ERN1: variants seen among roughly 807,000 people sequenced by gnomAD.
The protein encoded by ERN1 is endoplasmic reticulum to nucleus signaling 1.
ERN1 carries 39 observed loss-of-function variants against 113.1 expected under a neutral mutation model. The ratio of observed to expected loss-of-function variants is 0.34; its 90% CI spans 0.27 to 0.45. ERN1 has a LOEUF of 0.45. Among genes scored for constraint, ERN1 ranks in the 20% least tolerant of loss-of-function variants. The probability of loss-of-function intolerance (pLI) is 1.00; values close to 1 mark genes in which losing one functional copy is unlikely to be tolerated. For synonymous variants in ERN1, 507 were observed against 515.9 expected, an observed-to-expected ratio of 0.98 and a Z score of 0.23; for missense variants, 976 against 1,274.8, an observed-to-expected ratio of 0.77 and a Z score of 3.57.
At position 64,065,197 on chromosome 17, in the gene ERN1, T is replaced by G. The variant is rs1380267322; in HGVS notation, c.921+12A>C. 1 of 1,597,570 alleles carries G rather than the reference T, an allele frequency of 6.3e-7. No homozygotes were observed. Among genetic ancestry groups the G allele is most frequent in the Non-Finnish European group, 8.5e-7 (1 of 1,170,338 alleles). ...TGGTTAGGCAGCTGCGAGCCCTCCG[T>G]AGTGGACTTACCACGACAGCAACCC... is the stretch of plus-strand genomic sequence containing the variant. On this transcript the variant is annotated intron_variant, in intron 9 of 21. Coordinates refer to ENST00000433197, the MANE Select transcript of ERN1 (RefSeq NM_001433.5).
At chr17:64,121,219 A>C (rs1914946044) in intron 1 of ERN1, among the ~76,000 whole-genome samples, 1 of 152,206 alleles carries the variant, frequency 6.6e-6, no homozygotes, top group South Asian at 2.1e-4. Flanking sequence ...CCCTGGTGCC[A>C]GAACTGCTTG....
At chr17:64,074,966 C>A in intron 5 of ERN1, 2 of 554,062 alleles carry the variant, frequency 3.6e-6, no homozygotes, top group South Asian at 2.3e-5. Context: ...AATGAGTAAC[C>A]ATATTAATGA....
Position 64,044,253 on chromosome 17 carries a change from A to C in ERN1, c.2722-53T>G. Reference sequence around the variant, plus strand: ...TTAGAAAGGGGTTAGAAAGCTCGGGAAATGTTGGCAAAACACCCTTTCATC... The same window carrying C: ...TTAGAAAGGGGTTAGAAAGCTCGGGCAATGTTGGCAAAACACCCTTTCATC... On this transcript the variant is annotated intron_variant, in intron 21 of 21. Coordinates refer to ENST00000433197, the MANE Select transcript of ERN1 (RefSeq NM_001433.5). This position sits in a 1 kb window ranked among gnomAD's most constrained non-coding sequence, Gnocchi z 4.1. 7.7e-7 allele frequency: 1 copy of C among 1,291,972 alleles called. No individual in the cohort carries two copies. 80.0% of individuals were successfully genotyped at this position (1,291,972 alleles called of 1,614,324 possible). A position where few individuals can be genotyped will look rare whatever the true frequency, so the allele number is the denominator to read the frequency against.
At chr17:64,102,037 TG>T (rs1914399077) in intron 1 of ERN1, among the ~76,000 whole-genome samples, 1 of 152,074 alleles carries the variant, frequency 6.6e-6, no homozygotes, top group Non-Finnish European at 1.5e-5. Context: ...CTCAGCACTT[TG>T]GGAGGCCGAG....
chr17:64,125,489 T>C (rs1226224582), intron 1 of ERN1, among the ~76,000 whole-genome samples: 1 of 152,120 alleles, frequency 6.6e-6, no homozygotes, highest in African/African-American at 2.4e-5. Context: ...ATGTTTTTTG[T>C]TTTTTGTTTT....
rs1460710340 is a variant in ERN1, at chr17:64,043,845, T to C, written c.*143A>G. ...ACTTCCTGGGGTCAGCACTGTCCTC[T>C]GTGGGCTGCAGAGCAGGCAGCTCAA... On this transcript the variant is annotated 3_prime_UTR_variant, in exon 22 of 22. Transcript: ENST00000433197. The C allele has an allele frequency of 4.8e-6, 3 of 621,442 alleles. No individual in the cohort carries two copies. Among genetic ancestry groups the C allele is most frequent in the African/African-American group, 3.6e-5 (2 of 54,868 alleles). The allele number at this position is 621,442 out of a possible 1,614,324, so 38.5% of individuals were successfully genotyped here. A position where few individuals can be genotyped will look rare whatever the true frequency, so the allele number is the denominator to read the frequency against.
chr17:64,057,312 A>G (rs972406517), intron 12 of ERN1, among the ~76,000 whole-genome samples: 4 of 152,198 alleles, frequency 2.6e-5, no homozygotes, highest in African/African-American at 9.7e-5. Flanking sequence ...CTGGGAGGCT[A>G]GTGTCTCTTT....
chr17:64,115,838 G>A (rs1186353382), intron 1 of ERN1, among the ~76,000 whole-genome samples: 3 of 152,142 alleles, frequency 2.0e-5, no homozygotes, highest in African/African-American at 4.8e-5. Context: ...GCCTGAGGTG[G>A]ATGGTGGCTG....
At chr17:64,068,595 T>A (rs1048722216) in intron 6 of ERN1, among the ~76,000 whole-genome samples, 1 of 152,186 alleles carries the variant, frequency 6.6e-6, no homozygotes, top group African/African-American at 2.4e-5. Flanking sequence ...GGTGCCTTAT[T>A]ACATAGCAAT....
At chr17:64,066,453 G>T (rs1250827398) in intron 8 of ERN1, among the ~76,000 whole-genome samples, 1 of 152,100 alleles carries the variant, frequency 6.6e-6, no homozygotes, top group Admixed American at 6.5e-5. Flanking sequence ...TCCCATCCAT[G>T]ATTTTTATGT....
At position 64,071,106 on chromosome 17, in the gene ERN1, C is replaced by A. The variant is rs553931933; in HGVS notation, c.478+875G>T. Among the ~76,000 whole-genome samples, 3 of 152,110 alleles carry A rather than the reference C, an allele frequency of 2.0e-5. No individual in the cohort carries two copies. In the East Asian group the frequency reaches 5.8e-4, roughly 29 times the overall value. On this transcript the variant is annotated intron_variant, in intron 6 of 21. Transcript: ENST00000433197. ...AAAAGGGAGGAAACACAAAATGGTG[C>A]GGTGAAGAGGGTGCAAGCCATGCCT...
chr17:64,053,821 C>T (rs1467995482), intron 15 of ERN1: 2 of 164,928 alleles, frequency 1.2e-5, no homozygotes, highest in Admixed American at 1.2e-4. Context: ...CTGGGGGGAC[C>T]ACCCTGTTAC....
At chr17:64,112,674 G>C (rs548742106) in intron 1 of ERN1, among the ~76,000 whole-genome samples, 1 of 152,298 alleles carries the variant, frequency 6.6e-6, no homozygotes, top group East Asian at 1.9e-4. Context: ...AAAAGTTGTT[G>C]GGAAAAGCTT....
chr17:64,078,835 T>C (rs115472292), intron 4 of ERN1, among the ~76,000 whole-genome samples: 6 of 152,186 alleles, frequency 3.9e-5, no homozygotes, highest in African/African-American at 1.2e-4. Flanking sequence ...TGAAACCCCA[T>C]TTCTACCAAA....
At chr17:64,094,602 G>A (rs137975917) in intron 2 of ERN1, among the ~76,000 whole-genome samples, 67 of 150,378 alleles carry the variant, frequency 4.5e-4, no homozygotes, top group African/African-American at 1.4e-3. Flanking sequence ...CTCCTCTACC[G>A]TGCCAGGGAC....
chr17:64,075,944 C>T (rs1171432586), intron 4 of ERN1, among the ~76,000 whole-genome samples: 6 of 152,138 alleles, frequency 3.9e-5, no homozygotes, highest in African/African-American at 7.2e-5. Flanking sequence ...GAGAAGTCGC[C>T]ATTACAGGGG....
chr17:64,043,748 C>T lies in ERN1; in HGVS notation c.*240G>A, dbSNP rs774715585. On this transcript the variant is annotated 3_prime_UTR_variant, in exon 22 of 22. Transcript: ENST00000433197. Reference sequence around the variant, plus strand: ...TGTCTCTGAGGCCCTCCTTTGCAGACATCATGACCGTAAGGCTTTTGGGGC... The same window carrying T: ...TGTCTCTGAGGCCCTCCTTTGCAGATATCATGACCGTAAGGCTTTTGGGGC... The T allele has an allele frequency of 1.2e-5, 5 of 423,500 alleles. No homozygotes were observed. Among genetic ancestry groups the T allele is most frequent in the Middle Eastern group, 1.2e-3 (2 of 1,684 alleles). 26.2% of individuals were successfully genotyped at this position (423,500 alleles called of 1,614,324 possible).
intron 6 of ERN1, among the ~76,000 whole-genome samples, chr17:64,070,316 T>G (rs1012906225): frequency 1.2e-4 from 18 of 152,170 alleles, no homozygotes; most frequent in African/African-American, 4.3e-4. Flanking sequence ...AAATGCTAAG[T>G]TGGGGTGGTT....
chr17:64,070,199 T>C (rs142757097), intron 6 of ERN1, among the ~76,000 whole-genome samples: 86 of 152,282 alleles, frequency 5.6e-4, no homozygotes, highest in African/African-American at 2.0e-3. Context: ...CACACGGAAC[T>C]GAACTGAAGT....
Sources: allele counts gnomAD v4.1 joint callset (sites outside exome capture counted in the v4.1 genomes callset), GRCh38; gene constraint gnomAD v4.1.1; non-coding constraint Gnocchi (gnomAD v3.1); transcripts MANE v1.5; gene names NCBI Gene and HGNC (gene_info 2026-07-23, HGNC 2026-07-21).